CA5A: variants seen among roughly 807,000 people sequenced by gnomAD.
The protein encoded by CA5A is carbonic anhydrase 5A.
Under a neutral mutation model 37.1 loss-of-function variants are expected in CA5A, and 28 were observed. The ratio of observed to expected loss-of-function variants is 0.75; its 90% CI spans 0.56 to 1.03. CA5A has a LOEUF of 1.03. Ranked by LOEUF, CA5A falls within the 50% of genes least tolerant of loss-of-function variation. The pLI, the probability that CA5A is intolerant of heterozygous loss-of-function variation, is 0.00. For synonymous variants in CA5A, 171 were observed against 158.4 expected (o/e 1.08, Z -0.60); for missense variants, 444 against 399.9 (o/e 1.11, Z -0.94).
At chr16:87,904,699 C>G in intron 3 of CA5A, 87 bp downstream of exon 3, 3 of 798,390 alleles carry the variant, frequency 3.8e-6, no homozygotes, top group Non-Finnish European at 6.4e-6. Context: ...CACATCTGAG[C>G]GGCGCGCATG....
At chr16:87,916,398 A>C (rs1307108004) in intron 2 of CA5A, among the ~76,000 whole-genome samples, 7 of 152,046 alleles carry the variant, frequency 4.6e-5, no homozygotes, top group African/African-American at 1.7e-4. Flanking sequence ...TCGTATTTTA[A>C]AACGGTGATG....
At chr16:87,918,561 A>C (rs1597575614) in intron 2 of CA5A, among the ~76,000 whole-genome samples, 2 of 152,162 alleles carry the variant, frequency 1.3e-5, no homozygotes, top group South Asian at 4.1e-4. Flanking sequence ...CGCCGACGGA[A>C]ATTTCCTTGG....
At chr16:87,930,631 GGTGGGGACTGCGGC>G (rs1466869906) in intron 1 of CA5A, among the ~76,000 whole-genome samples, 1 of 152,096 alleles carries the variant, frequency 6.6e-6, no homozygotes, top group African/African-American at 2.4e-5. Context: ...AGGAGAGAGC[GGTGGGGACTGCGGC>G]GTGGGGACAG....
chr16:87,934,083 G>A (rs1366311458), intron 1 of CA5A, among the ~76,000 whole-genome samples: 1 of 152,214 alleles, frequency 6.6e-6, no homozygotes, highest in African/African-American at 2.4e-5. Flanking sequence ...AATAGACACA[G>A]GGCACCCACC....
At chr16:87,898,050 C>A (rs1036058888) in intron 5 of CA5A, among the ~76,000 whole-genome samples, 2 of 152,174 alleles carry the variant, frequency 1.3e-5, no homozygotes, top group Non-Finnish European at 2.9e-5. Flanking sequence ...TGGAAATGCA[C>A]CCTTGGAGCC....
intron 1 of CA5A, 51 bp from the exon 2 acceptor site, chr16:87,926,996 G>A: frequency 1.6e-6 from 2 of 1,257,266 alleles, no homozygotes; most frequent in Non-Finnish European, 1.1e-6. Flanking sequence ...TTCATCCTGT[G>A]TCTTGGACGG....
At chr16:87,895,856 G>A (rs1443430446) in intron 5 of CA5A, among the ~76,000 whole-genome samples, 2 of 152,214 alleles carry the variant, frequency 1.3e-5, no homozygotes, top group Non-Finnish European at 2.9e-5. Context: ...CTTTCTGATT[G>A]CCAAGTAATA....
chr16:87,929,731 G>C (rs1256724629), intron 1 of CA5A, among the ~76,000 whole-genome samples: 1 of 151,866 alleles, frequency 6.6e-6, no homozygotes, highest in South Asian at 2.1e-4. Context: ...AATTAGCCGG[G>C]CGTGGTGGCG....
chr16:87,909,069 G>A (rs2056009461), intron 2 of CA5A, among the ~76,000 whole-genome samples: 3 of 150,628 alleles, frequency 2.0e-5, no homozygotes, highest in Admixed American at 2.0e-4. Flanking sequence ...CTGACCTCAT[G>A]ATCCGCCTGC....
At chr16:87,885,208 A>C (rs149469741), downstream of CA5A, 105 of 168,868 alleles carry the variant, frequency 6.2e-4, 2 homozygotes, top group Admixed American at 9.0e-4. Flanking sequence ...ACAACAACAA[A>C]AAAAAGAGGG....
At chr16:87,893,258 G>T in intron 5 of CA5A, 1 of 421,292 alleles carries the variant, frequency 2.4e-6, no homozygotes, top group Non-Finnish European at 4.3e-6. Context: ...CTCCCTAGTA[G>T]CTGGGACTAC....
chr16:87,900,668 C>T (rs766100292), intron 5 of CA5A, among the ~76,000 whole-genome samples: 4 of 152,244 alleles, frequency 2.6e-5, no homozygotes, highest in Admixed American at 2.0e-4. Flanking sequence ...ACCATCTTTT[C>T]GAGCTGCGCT....
chr16:87,920,620 C>T (rs1473523693), intron 2 of CA5A, among the ~76,000 whole-genome samples: 1 of 149,994 alleles, frequency 6.7e-6, no homozygotes, highest in Non-Finnish European at 1.5e-5. Context: ...AATTTAGTCA[C>T]TTATTTTATT....
chr16:87,929,704 C>T (rs553473928), intron 1 of CA5A, among the ~76,000 whole-genome samples: 5 of 151,014 alleles, frequency 3.3e-5, no homozygotes, highest in African/African-American at 1.2e-4. Flanking sequence ...AACCCGGTCT[C>T]TACTAAAAAT....
intron 2 of CA5A, among the ~76,000 whole-genome samples, chr16:87,912,359 C>G (rs531764474): frequency 6.6e-5 from 10 of 152,192 alleles, no homozygotes; most frequent in Non-Finnish European, 1.2e-4. Flanking sequence ...CCATCACCAT[C>G]ATCTCACCAC....
chr16:87,907,574 G>C (rs4843734), intron 2 of CA5A, among the ~76,000 whole-genome samples: 3,561 of 152,298 alleles, frequency 0.023, 72 homozygotes, highest in South Asian at 0.048. Context: ...GACCCAGCCT[G>C]GTAGATGCCA....
At chr16:87,904,742 A>G (rs1438986886) in intron 3 of CA5A, 44 bp downstream of exon 3, 5 of 1,183,006 alleles carry the variant, frequency 4.2e-6, no homozygotes, top group African/African-American at 3.0e-5. Context: ...AGCCGGAGAC[A>G]TGGAAAGTGT....
At chr16:87,923,874 A>G (rs1320097112) in intron 2 of CA5A, 6 of 984,566 alleles carry the variant, frequency 6.1e-6, no homozygotes, top group African/African-American at 3.5e-5. Context: ...TTACTAATAC[A>G]TTCACACAAA....
intron 2 of CA5A, among the ~76,000 whole-genome samples, chr16:87,914,770 G>C (rs1027200023): frequency 1.3e-5 from 2 of 152,148 alleles, no homozygotes; most frequent in African/African-American, 4.8e-5. Flanking sequence ...CTGGCGGCTG[G>C]GCTTGGGAGG....
Sources: gnomAD v4.1 joint callset for allele counts (sites outside exome capture counted in the v4.1 genomes callset) on GRCh38, gnomAD v4.1.1 for gene constraint, MANE v1.5 for transcripts, NCBI Gene and HGNC (gene_info 2026-07-23, HGNC 2026-07-21) for gene names.